DPP10: variants seen among roughly 807,000 people sequenced by gnomAD.
The protein encoded by DPP10 is dipeptidyl peptidase like 10.
Under a neutral mutation model 120.9 loss-of-function variants are expected in DPP10, and 33 were observed. The observed-to-expected ratio is 0.27, with a 90% CI of 0.21 to 0.37. The LOEUF is 0.37. Among genes scored for constraint, DPP10 ranks in the 10% least tolerant of loss-of-function variants. The pLI is 1.00. For synonymous variants in DPP10, 337 were observed against 326.1 expected (o/e 1.03, Z -0.36); for missense variants, 816 against 942.8 (o/e 0.87, Z 1.76).
At chr2:115,511,721 TCTTC>T (rs146597784) in intron 4 of DPP10, among the ~76,000 whole-genome samples, 51 of 128,600 alleles carry the variant, frequency 4.0e-4, no homozygotes, top group African/African-American at 1.2e-3. Context: ...TTCTTCTTCT[TCTTC>T]TTCTTCTTTT....
chr2:115,015,125 C>A (rs981299297), intron 1 of DPP10, among the ~76,000 whole-genome samples: 1 of 152,132 alleles, frequency 6.6e-6, no homozygotes, highest in Non-Finnish European at 1.5e-5. Flanking sequence ...AAACCAAATC[C>A]AGCAGCACAT....
At chr2:115,742,595 G>T (rs1049989780) in intron 9 of DPP10, among the ~76,000 whole-genome samples, 1 of 152,056 alleles carries the variant, frequency 6.6e-6, no homozygotes, top group Non-Finnish European at 1.5e-5. Context: ...AAAATAATCT[G>T]TTTTGGTCCT....
chr2:114,630,346 T>G (rs980838035), intron 1 of DPP10, among the ~76,000 whole-genome samples: 2 of 152,136 alleles, frequency 1.3e-5, no homozygotes, highest in Non-Finnish European at 2.9e-5. Flanking sequence ...AGGCAGGGGT[T>G]TTTTATTCTG....
intron 1 of DPP10, among the ~76,000 whole-genome samples, chr2:115,029,332 A>C (rs2105229645): frequency 6.6e-6 from 1 of 152,134 alleles, no homozygotes; most frequent in Non-Finnish European, 1.5e-5. Flanking sequence ...TTTCATCTTC[A>C]TAGTAGAGTT....
At chr2:115,672,314 C>T (rs985975461) in intron 5 of DPP10, among the ~76,000 whole-genome samples, 1 of 151,752 alleles carries the variant, frequency 6.6e-6, no homozygotes. Flanking sequence ...CACACTTGTA[C>T]AAAATACTCT....
At chr2:115,773,991 G>T (rs749343770) in intron 13 of DPP10, among the ~76,000 whole-genome samples, 3 of 151,936 alleles carry the variant, frequency 2.0e-5, no homozygotes, top group South Asian at 2.1e-4. Context: ...AATTACAGCT[G>T]TTTCAAATAA....
intron 1 of DPP10, among the ~76,000 whole-genome samples, chr2:114,819,466 T>C (rs1685910375): frequency 6.6e-6 from 1 of 152,122 alleles, no homozygotes; most frequent in African/African-American, 2.4e-5. Flanking sequence ...CCCGGAAATA[T>C]CATGAAAAAT....
At chr2:115,058,321 C>G (rs1706110831) in intron 1 of DPP10, among the ~76,000 whole-genome samples, 1 of 145,168 alleles carries the variant, frequency 6.9e-6, no homozygotes, top group Non-Finnish European at 1.5e-5. Flanking sequence ...TCCTAGTTAA[C>G]ACCCAGCTTC....
At chr2:114,775,332 T>G (rs192299569) in intron 1 of DPP10, among the ~76,000 whole-genome samples, 34 of 152,286 alleles carry the variant, frequency 2.2e-4, no homozygotes, top group African/African-American at 7.9e-4. Flanking sequence ...AGTTGATATC[T>G]TCCAATGTAG....
At chr2:114,882,682 T>C (rs969984790) in intron 1 of DPP10, among the ~76,000 whole-genome samples, 1 of 151,818 alleles carries the variant, frequency 6.6e-6, no homozygotes, top group Non-Finnish European at 1.5e-5. Flanking sequence ...AACAATTAAA[T>C]AAAAAAATAT....
intron 1 of DPP10, among the ~76,000 whole-genome samples, chr2:114,499,409 G>C (rs986138621): frequency 2.0e-5 from 3 of 152,174 alleles, no homozygotes; most frequent in Non-Finnish European, 4.4e-5. Context: ...TGGCCTCTTT[G>C]AAGATGTCCT....
At chr2:115,217,511 T>G (rs1375203421) in intron 1 of DPP10, among the ~76,000 whole-genome samples, 1 of 152,222 alleles carries the variant, frequency 6.6e-6, no homozygotes, top group African/African-American at 2.4e-5. Context: ...CGATCTTTCC[T>G]CAGAAGCTAG....
At chr2:114,785,596 G>A (rs1682699756) in intron 1 of DPP10, among the ~76,000 whole-genome samples, 1 of 152,112 alleles carries the variant, frequency 6.6e-6, no homozygotes, top group South Asian at 2.1e-4. Flanking sequence ...CCTCAAATGA[G>A]AAGCATTTGT....
chr2:114,800,655 G>A (rs1371151286), intron 1 of DPP10, among the ~76,000 whole-genome samples: 1 of 152,184 alleles, frequency 6.6e-6, no homozygotes, highest in Non-Finnish European at 1.5e-5. Context: ...CATTTTGCCA[G>A]CCTGATCAGA....
intron 1 of DPP10, among the ~76,000 whole-genome samples, chr2:114,980,396 T>C (rs1436463991): frequency 6.6e-6 from 1 of 152,078 alleles, no homozygotes; most frequent in Non-Finnish European, 1.5e-5. Flanking sequence ...TCTTCTGTTC[T>C]CTAACACTAT....
At chr2:115,219,329 C>T (rs2057011469) in intron 1 of DPP10, among the ~76,000 whole-genome samples, 1 of 152,078 alleles carries the variant, frequency 6.6e-6, no homozygotes, top group South Asian at 2.1e-4. Context: ...ATAATAGGAA[C>T]ACACTTAATT....
At chr2:115,626,194 C>T (rs116538402) in intron 5 of DPP10, among the ~76,000 whole-genome samples, 186 of 151,782 alleles carry the variant, frequency 1.2e-3, no homozygotes, top group Non-Finnish European at 1.8e-3. Context: ...ATGTAGTTGA[C>T]GTTTTAATTA....
chr2:115,652,246 G>A (rs971210074), intron 5 of DPP10, among the ~76,000 whole-genome samples: 2 of 151,880 alleles, frequency 1.3e-5, no homozygotes, highest in African/African-American at 4.8e-5. Context: ...CCATTTTACA[G>A]AGGACAGAAG....
chr2:114,897,099 G>A (rs1693076505), intron 1 of DPP10, among the ~76,000 whole-genome samples: 1 of 152,114 alleles, frequency 6.6e-6, no homozygotes, highest in Admixed American at 6.5e-5. Flanking sequence ...CTTGATCATG[G>A]TGGATAAGCT....
Sources: allele counts gnomAD v4.1 joint callset (sites outside exome capture counted in the v4.1 genomes callset), GRCh38; gene constraint gnomAD v4.1.1; transcripts MANE v1.5; gene names NCBI Gene and HGNC (gene_info 2026-07-23, HGNC 2026-07-21).